Variants in NOP2 observed in about 807,000 individuals in gnomAD.
NOP2 encodes the protein 28S rRNA (cytosine(4447)-C(5))-methyltransferase.
Under a neutral mutation model 72.7 loss-of-function variants are expected in NOP2, and 7 were observed. The ratio of observed to expected loss-of-function variants is 0.10; its 90% CI spans 0.05 to 0.18. The LOEUF (loss-of-function observed/expected upper bound fraction) is 0.18. Ranked by LOEUF, NOP2 falls within the 10% of genes least tolerant of loss-of-function variation. The pLI is 1.00. For missense variants in NOP2, 954 were observed against 1,014.7 expected, an observed-to-expected ratio of 0.94 and a Z score of 0.81; for synonymous variants, 387 against 388.0, an observed-to-expected ratio of 1.00 and a Z score of 0.03.
Position 6,560,777 on chromosome 12 carries a change from C to T in NOP2, c.1358G>A (p.Gly453Asp). Residue 453 changes from glycine to aspartate, a missense_variant, in exon 13 of 16, where the codon GGC (glycine) becomes GAC (aspartate). Transcript: ENST00000322166. This position sits in a 1 kb window ranked among gnomAD's most constrained non-coding sequence, Gnocchi z 5.0. ...AGCATCCAGCAGTACTCGGTCAAAG[C>T]CCCCCACCACCTGGAGAAAAGATAC... ...DGRQFPKVVG[G>D]FDRVLLDAPC... is the part of the protein sequence containing the mutation. The T allele has an allele frequency of 1.2e-6, 2 of 1,612,794 alleles. No homozygotes were observed. The highest frequency in any genetic ancestry group is 2.2e-5 in the East Asian group (1 of 44,830).
chr12:6,565,964 G>C, intron 5 of NOP2, 137 bp downstream of exon 5: 1 of 686,204 alleles, frequency 1.5e-6, no homozygotes, highest in Non-Finnish European at 2.5e-6. Context: ...AAGGCAGTAG[G>C]GAAACAGTGA....
At position 6,566,252 on chromosome 12, in the gene NOP2, G is replaced by A. The variant is rs1218191226; in HGVS notation, c.323C>T (p.Ala108Val). The change falls in exon 5 of 16, where the codon GCA becomes GTA. Residue 108 changes from alanine (A) to valine (V), a missense_variant. Physicochemically the swap from Ala to Val is moderately conservative, Grantham distance 64 (BLOSUM62 0). Around this residue, in one of 3 missense-constraint regions of NOP2, gnomAD observed 498 missense variants for 478.3 expected, o/e 1.04. Transcript: ENST00000322166. ...CTCCTCTTCCTCATCACTGCCAGGT[G>A]CTGGGCGCTTCTTGCCTCGAGGAGC... ...FNAPRGKKRPAPGSDEEEEEE... is the reference protein window; with the variant it reads ...FNAPRGKKRPVPGSDEEEEEE... 3.7e-6 allele frequency: 6 copies of A among 1,613,870 alleles called. No homozygotes were observed. Among genetic ancestry groups the A allele is most frequent in the East Asian group, 4.5e-5 (2 of 44,894 alleles).
In NOP2 at chr12:6,557,443, AGTG is replaced by A; in HGVS notation, c.1986_1988del (p.Thr663del). ...CTTGGGTCTTTGTGACAGAAGGTAC[AGTG>A]GACAATTCTGAGTCTGCCCCTTTGG... is the stretch of plus-strand genomic sequence containing the variant. On this transcript the variant is annotated inframe_deletion, in exon 16 of 16. Coordinates refer to ENST00000322166, the MANE Select transcript of NOP2 (RefSeq NM_001258308.2). The A allele has an allele frequency of 6.2e-7, 1 of 1,614,036 alleles. No individual in the cohort carries two copies. Among genetic ancestry groups the A allele is most frequent in the Non-Finnish European group, 8.5e-7 (1 of 1,179,896 alleles).
rs1432303769 is a variant in NOP2 at position 6,561,990 on chromosome 12, T to A, written c.979-19A>T. Reference sequence around the variant, plus strand: ...TTAGAGCCTGAAAAGGGATGAAGATTTTTTTTTTTTTTTTTTGAGATGGAG... The same window carrying A: ...TTAGAGCCTGAAAAGGGATGAAGATATTTTTTTTTTTTTTTTGAGATGGAG... On this transcript the variant is annotated intron_variant, in intron 9 of 15. Transcript: ENST00000322166. The A allele has an allele frequency of 2.1e-6, 2 of 934,472 alleles. No individual in the cohort carries two copies. The highest frequency in any genetic ancestry group is 2.2e-5 in the South Asian group (1 of 45,632). 57.9% of individuals were successfully genotyped at this position (934,472 alleles called of 1,614,324 possible).
chr12:6,565,908 C>T (rs1387085289), intron 5 of NOP2, among the ~76,000 whole-genome samples, 193 bp downstream of exon 5: 1 of 150,220 alleles, frequency 6.7e-6, no homozygotes, highest in Non-Finnish European at 1.5e-5. Context: ...TTTTTAAATG[C>T]TCTATCCTAC....
At chr12:6,559,141 C>CG (rs924512494) in intron 15 of NOP2, among the ~76,000 whole-genome samples, 3 of 150,000 alleles carry the variant, frequency 2.0e-5, no homozygotes, top group African/African-American at 7.4e-5. Flanking sequence ...TTTTTGGAGA[C>CG]GGAGTCTCAC....
chr12:6,558,681 C>T (rs1947570299), intron 15 of NOP2, among the ~76,000 whole-genome samples: 1 of 149,830 alleles, frequency 6.7e-6, no homozygotes, highest in Admixed American at 6.7e-5. Flanking sequence ...GCCATCATAG[C>T]TCACTGCAAC....
chr12:6,560,728 G>A lies in NOP2; in HGVS notation c.1407C>T (p.Ile469=), dbSNP rs1175581575. The A allele has an allele frequency of 6.2e-7, 1 of 1,613,528 alleles. No homozygotes were observed. Among genetic ancestry groups the A allele is most frequent in the Non-Finnish European group, 8.5e-7 (1 of 1,179,778 alleles). Reference sequence around the variant, plus strand: ...TAGTCTTCACGGCTGGATCCTTGGAGATGACCCCAGTGCCACTGCAGGGAG... The same window carrying A: ...TAGTCTTCACGGCTGGATCCTTGGAAATGACCCCAGTGCCACTGCAGGGAG... ...LDAPCSGTGV[I]SKDPAVKTNK... Residue 469 remains isoleucine (I), a synonymous_variant, in exon 13 of 16, where the codon ATC becomes ATT. Transcript: ENST00000322166. This position sits in a 1 kb window ranked among gnomAD's most constrained non-coding sequence, Gnocchi z 5.0.
rs779126324 is a variant in NOP2, at chr12:6,557,572, G to A, written c.1860C>T (p.Ser620=). 17 of 1,613,792 alleles carry A rather than the reference G, an allele frequency of 1.1e-5. No homozygotes were observed. In the South Asian group the frequency reaches 1.1e-4, roughly 10 times the overall value. Residue 620 remains serine (S), a synonymous_variant, in exon 16 of 16, where the codon AGC becomes AGT. Coordinates refer to ENST00000322166, the MANE Select transcript of NOP2 (RefSeq NM_001258308.2). ...PQVIPKSENS[S]QPAKKAKGAA... is the part of the protein sequence containing the mutation. The stretch of plus-strand genomic sequence containing the variant: ...CCCCCTTGGCTTTCTTGGCTGGCTG[G>A]CTGCTGTTCTCAGACTTGGGGATGA...
Position 6,557,086 on chromosome 12 carries a change from AGGCTGAGGCCCCTTGGG to A in NOP2, c.2329_2345del (p.Pro777SerfsTer34). On this transcript the variant is annotated frameshift_variant, in exon 16 of 16. Coordinates refer to ENST00000322166, the MANE Select transcript of NOP2 (RefSeq NM_001258308.2). LOFTEE classifies it low-confidence loss of function (END_TRUNC). The stretch of plus-strand genomic sequence containing the variant: ...TGGAACGGATGGGAGACACAGTGGG[AGGCTGAGGCCCCTTGGG>A]GGTATCATTCTGTTTCTGGAAGGCA... The A allele has an allele frequency of 6.2e-7, 1 of 1,613,938 alleles. No homozygotes were observed. The highest frequency in any genetic ancestry group is 1.3e-5 in the African/African-American group (1 of 75,028).
At chr12:6,566,851 C>T in intron 2 of NOP2, 29 bp from the exon 3 acceptor site, 1 of 1,588,204 alleles carries the variant, frequency 6.3e-7, no homozygotes, top group Non-Finnish European at 8.6e-7. Context: ...CGAGGCAGAA[C>T]AAGTTACAGG....
chr12:6,565,155 A>AT (rs34342403), intron 5 of NOP2, among the ~76,000 whole-genome samples: 33,407 of 135,990 alleles, frequency 0.25, 5,484 homozygotes, highest in African/African-American at 0.47. Context: ...GGAAGCAGTT[A>AT]TTTTTTTTTT....
intron 11 of NOP2, among the ~76,000 whole-genome samples, 161 bp from the exon 12 acceptor site, chr12:6,561,231 G>T (rs1277765339): frequency 6.6e-6 from 1 of 152,192 alleles, no homozygotes; most frequent in African/African-American, 2.4e-5. Context: ...CTCTGCACTA[G>T]CCCCTGGTGA....
chr12:6,562,957 G>GC (rs1178430335), intron 9 of NOP2, 124 bp downstream of exon 9: 48 of 933,296 alleles, frequency 5.1e-5, no homozygotes, highest in East Asian at 1.1e-4. Flanking sequence ...CTCTGGGTTT[G>GC]CCCCCCCAGG....
At chr12:6,566,500 T>C in intron 4 of NOP2, 29 bp downstream of exon 4, 2 of 1,604,034 alleles carry the variant, frequency 1.2e-6, no homozygotes, top group African/African-American at 2.7e-5. Context: ...GGACTCCTCA[T>C]GTAGCATCCA....
In NOP2 at chr12:6,567,864, G is replaced by C; in HGVS notation, c.55C>G (p.Arg19Gly). The C allele has an allele frequency of 1.9e-6, 3 of 1,613,996 alleles. No homozygotes were observed. Among genetic ancestry groups the C allele is most frequent in the Non-Finnish European group, 2.5e-6 (3 of 1,179,882 alleles). The change falls in exon 2 of 16, where the codon CGG (arginine) becomes GGG (glycine). Residue 19 changes from arginine (R) to glycine (G), a missense_variant. This residue lies in a region of NOP2 where 498 missense variants were observed against 478.3 expected (regional missense o/e 1.04). Coordinates refer to ENST00000322166, the MANE Select transcript of NOP2 (RefSeq NM_001258308.2). ...KEKRGPGRKA[R>G]KQKGAETELV... ...TCTGTCTCGGCACCCTTCTGCTTCC[G>C]GGCCTTTCGGCCTGGCCCCCGCTTC... is the stretch of plus-strand genomic sequence containing the variant.
At chr12:6,562,015 GT>G in intron 9 of NOP2, 44 bp from the exon 10 acceptor site, 1 of 1,363,518 alleles carries the variant, frequency 7.3e-7, no homozygotes, top group Non-Finnish European at 1.0e-6. Context: ...TTGAGATGGA[GT>G]CTCACTCTGT....
chr12:6,557,425 C>T lies in NOP2; in HGVS notation c.2007G>A (p.Lys669=). ...SELSTVPSVT[K]TQASSSFQDS... ...CCTGGAAGCTGGAGGAAGCTTGGGTCTTTGTGACAGAAGGTACAGTGGACA... is the reference window on the plus strand; with the variant it reads ...CCTGGAAGCTGGAGGAAGCTTGGGTTTTTGTGACAGAAGGTACAGTGGACA... The change falls in exon 16 of 16, where the codon AAG becomes AAA. Residue 669 remains lysine, a synonymous_variant. Coordinates refer to ENST00000322166, the MANE Select transcript of NOP2 (RefSeq NM_001258308.2). 1 of 1,614,028 alleles carries T rather than the reference C, an allele frequency of 6.2e-7. No homozygotes were observed. Among genetic ancestry groups the T allele is most frequent in the Non-Finnish European group, 8.5e-7 (1 of 1,179,896 alleles).
At position 6,557,225 on chromosome 12, in the gene NOP2, G is replaced by T. The variant is rs1044022764; in HGVS notation, c.2207C>A (p.Thr736Asn). 2.5e-6 allele frequency: 4 copies of T among 1,613,922 alleles called. No homozygotes were observed. The African/African-American group carries it at 5.3e-5, about 22-fold the overall frequency. The change falls in exon 16 of 16, where the codon ACT becomes AAT. Residue 736 changes from threonine (T) to asparagine (N), a missense_variant. Physicochemically the swap from Thr to Asn is moderately conservative, Grantham distance 65 (BLOSUM62 0). Around this residue, in one of 3 missense-constraint regions of NOP2, gnomAD observed 269 missense variants for 260.2 expected, o/e 1.03. Coordinates refer to ENST00000322166, the MANE Select transcript of NOP2 (RefSeq NM_001258308.2). Reference sequence around the variant, plus strand: ...GTCCTTAGGTTTCAGGGTGGCCTGAGTCTTGGATGGGGATAACACAGCCGG... The same window carrying T: ...GTCCTTAGGTTTCAGGGTGGCCTGATTCTTGGATGGGGATAACACAGCCGG... ...QTPAVLSPSK[T>N]QATLKPKDHH... is the part of the protein sequence containing the mutation.
Sources: gnomAD v4.1 joint callset for allele counts (sites outside exome capture counted in the v4.1 genomes callset) on GRCh38, gnomAD v4.1.1 for gene constraint, gnomAD v4.1.1 regional missense constraint, Gnocchi (gnomAD v3.1) non-coding constraint, MANE v1.5 for transcripts, NCBI Gene and HGNC (gene_info 2026-07-23, HGNC 2026-07-21) for gene names.